Variants in ZCCHC7 observed in about 807,000 individuals in gnomAD.
The protein encoded by ZCCHC7 is zinc finger CCHC-type containing 7, also known as zinc finger CCHC domain-containing protein 7.
In ZCCHC7, 35 loss-of-function variants were observed where a neutral mutation model predicts 52.0. That is an observed-to-expected ratio of 0.67 (90% CI 0.51 to 0.89). ZCCHC7 has a LOEUF of 0.89. Ranked by LOEUF, ZCCHC7 falls within the 40% of genes least tolerant of loss-of-function variation. The pLI is 0.00. For missense variants in ZCCHC7, 574 were observed against 649.1 expected (o/e 0.88, Z 1.26); for synonymous variants, 217 against 221.5 (o/e 0.98, Z 0.18).
chr9:37,282,907 A>G lies in ZCCHC7; in HGVS notation c.611-19281A>G, dbSNP rs113375782. On this transcript the variant is annotated intron_variant, in intron 2 of 8. Coordinates refer to ENST00000336755, the MANE Select transcript of ZCCHC7 (RefSeq NM_032226.3). ...TTTTTTTTTTTTTAATGAAAATGGC[A>G]TTTGTTCCAGAGGCAAGAGTAGCCT... Among the ~76,000 whole-genome samples the G allele has an allele frequency of 4.4e-3, 383 of 86,766 alleles. 2 individuals are homozygous for G. The highest frequency in any genetic ancestry group is 0.017 in the African/African-American group (371 of 21,984). The allele number at this position is 86,766 out of a possible 152,430, so 56.9% of individuals were successfully genotyped here. A position where few individuals can be genotyped will look rare whatever the true frequency, so the allele number is the denominator to read the frequency against.
intron 2 of ZCCHC7, among the ~76,000 whole-genome samples, chr9:37,257,051 T>TCC (rs1405452268): frequency 7.2e-5 from 11 of 152,228 alleles, no homozygotes; most frequent in Non-Finnish European, 1.5e-5. Flanking sequence ...TTAGTAGTTT[T>TCC]CAAGGTGGCT....
chr9:37,351,371 T>C (rs1161753755), intron 7 of ZCCHC7, among the ~76,000 whole-genome samples: 1 of 152,128 alleles, frequency 6.6e-6, no homozygotes, highest in African/African-American at 2.4e-5. Context: ...GTGGGCACTA[T>C]CTCAGCTCAC....
At chr9:37,235,697 C>T (rs1825618397) in intron 2 of ZCCHC7, among the ~76,000 whole-genome samples, 1 of 151,696 alleles carries the variant, frequency 6.6e-6, no homozygotes, top group Admixed American at 6.6e-5. Flanking sequence ...TCAGGCAATT[C>T]TCCTGCCTCA....
At chr9:37,207,654 G>C (rs192315372) in intron 2 of ZCCHC7, among the ~76,000 whole-genome samples, 5 of 151,244 alleles carry the variant, frequency 3.3e-5, no homozygotes, top group Non-Finnish European at 7.4e-5. Context: ...AAAAAAAATC[G>C]ATTTTCTGTT....
intron 7 of ZCCHC7, among the ~76,000 whole-genome samples, chr9:37,352,605 A>G (rs2118665836): frequency 7.6e-6 from 1 of 131,138 alleles, no homozygotes; most frequent in East Asian, 2.2e-4. Flanking sequence ...TGCAACCTCC[A>G]CCTCCTAGGT....
chr9:37,240,104 G>C (rs1825815204), intron 2 of ZCCHC7, among the ~76,000 whole-genome samples: 1 of 152,010 alleles, frequency 6.6e-6, no homozygotes, highest in African/African-American at 2.4e-5. Context: ...GTTGTCTGTT[G>C]TGGTTGAGGG....
intron 2 of ZCCHC7, among the ~76,000 whole-genome samples, chr9:37,196,775 G>A (rs1823310422): frequency 6.6e-6 from 1 of 151,926 alleles, no homozygotes; most frequent in Non-Finnish European, 1.5e-5. Flanking sequence ...ATAAAATTGT[G>A]TTATGATTAT....
chr9:37,198,007 A>C (rs1823379476), intron 2 of ZCCHC7, among the ~76,000 whole-genome samples: 1 of 152,202 alleles, frequency 6.6e-6, no homozygotes, highest in Non-Finnish European at 1.5e-5. Context: ...TTATAAAATG[A>C]CAAAATTTGT....
chr9:37,217,257 A>T (rs1440744230), intron 2 of ZCCHC7, among the ~76,000 whole-genome samples: 1 of 152,182 alleles, frequency 6.6e-6, no homozygotes, highest in African/African-American at 2.4e-5. Context: ...GAAATGTTTC[A>T]TGCATATGAG....
chr9:37,252,363 G>A (rs1279897107), intron 2 of ZCCHC7, among the ~76,000 whole-genome samples: 1 of 152,112 alleles, frequency 6.6e-6, no homozygotes, highest in African/African-American at 2.4e-5. Flanking sequence ...TAAGGCAAAA[G>A]TAAAAATATG....
chr9:37,146,517 C>G (rs1843441741), intron 2 of ZCCHC7, among the ~76,000 whole-genome samples: 1 of 151,912 alleles, frequency 6.6e-6, no homozygotes, highest in African/African-American at 2.4e-5. Flanking sequence ...CCTCCCTTTA[C>G]TTATCCCACC....
At chr9:37,144,692 G>C (rs1843359908) in intron 2 of ZCCHC7, among the ~76,000 whole-genome samples, 1 of 151,854 alleles carries the variant, frequency 6.6e-6, no homozygotes, top group Admixed American at 6.6e-5. Context: ...ATCCATCTAT[G>C]ACATTCTATC....
chr9:37,166,898 G>A (rs565335641), intron 2 of ZCCHC7, among the ~76,000 whole-genome samples: 8 of 152,254 alleles, frequency 5.3e-5, no homozygotes, highest in African/African-American at 1.9e-4. Flanking sequence ...AATGTATTGT[G>A]TTCAAATAAA....
chr9:37,327,134 T>A (rs1830276569), intron 5 of ZCCHC7: 1 of 152,158 alleles, frequency 6.6e-6, no homozygotes, highest in African/African-American at 2.4e-5. Flanking sequence ...TGGTTGGTTC[T>A]TTTGTTGTTA....
chr9:37,270,803 A>AT lies in ZCCHC7; in HGVS notation c.611-31384dup, dbSNP rs770485577. ...CCATCATTGAAAGTAGTTTCCAGCA[A>AT]TAATAAAAAAAAAAAATAGTAGTAG... On this transcript the variant is annotated intron_variant, in intron 2 of 8. Transcript: ENST00000336755. Among the ~76,000 whole-genome samples, 4 of 26,776 alleles carry AT rather than the reference A, an allele frequency of 1.5e-4. No homozygotes were observed. The East Asian group carries it at 5.5e-3, about 37-fold the overall frequency. 17.6% of individuals were successfully genotyped at this position (26,776 alleles called of 152,430 possible).
Position 37,199,811 on chromosome 9 carries a change from T to C in ZCCHC7, c.610+72869T>C, listed in dbSNP as rs527640118. On this transcript the variant is annotated intron_variant, in intron 2 of 8. Transcript: ENST00000336755. ...AGCTCCACCTCCTGGGTTCACGCCA[T>C]TCTCCTGCCTCAGCCTCCCAGTAGC... Among the ~76,000 whole-genome samples, 177 of 152,200 alleles carry C rather than the reference T, an allele frequency of 1.2e-3. 1 individual carries two copies. Among genetic ancestry groups the C allele is most frequent in the Non-Finnish European group, 2.0e-3 (136 of 68,018 alleles).
intron 1 of ZCCHC7, among the ~76,000 whole-genome samples, chr9:37,122,709 T>TG (rs1842366412): frequency 6.6e-6 from 1 of 152,114 alleles, no homozygotes; most frequent in African/African-American, 2.4e-5. Context: ...GGAGTCCGAG[T>TG]GGGGCGGATC....
intron 2 of ZCCHC7, among the ~76,000 whole-genome samples, chr9:37,296,998 A>G (rs919190077): frequency 2.6e-5 from 4 of 151,400 alleles, no homozygotes; most frequent in Non-Finnish European, 5.9e-5. Flanking sequence ...TGGCCTCCCA[A>G]AGTATTGGAA....
chr9:37,356,004 CTTATAA>C (rs1564276532), intron 8 of ZCCHC7, among the ~76,000 whole-genome samples: 1 of 151,766 alleles, frequency 6.6e-6, no homozygotes, highest in Non-Finnish European at 1.5e-5. Context: ...GCAGTTATAA[CTTATAA>C]TTAGAGAAAA....
Sources: gnomAD v4.1 joint callset for allele counts (sites outside exome capture counted in the v4.1 genomes callset) on GRCh38, gnomAD v4.1.1 for gene constraint, MANE v1.5 for transcripts, NCBI Gene and HGNC (gene_info 2026-07-23, HGNC 2026-07-21) for gene names.